CSMD1: variants seen among roughly 807,000 people sequenced by gnomAD.
CSMD1 encodes CUB and Sushi multiple domains 1, also known as CUB and sushi domain-containing protein 1.
CSMD1 carries 213 observed loss-of-function variants against 417.5 expected under a neutral mutation model. The ratio of observed to expected loss-of-function variants is 0.51; its 90% confidence interval spans 0.46 to 0.57. CSMD1 has a LOEUF of 0.57. Ranked by LOEUF, CSMD1 falls within the 20% of genes least tolerant of loss-of-function variation. CSMD1 has a pLI of 0.00. For missense variants in CSMD1, 6,923 were observed against 4,529.7 expected, an observed-to-expected ratio of 1.53 and a Z score of -15.17; for synonymous variants, 2,862 against 1,736.8, an observed-to-expected ratio of 1.65 and a Z score of -16.11.
At chr8:4,597,108 C>G (rs1009637052) in intron 2 of CSMD1, among the ~76,000 whole-genome samples, 1 of 74,146 alleles carries the variant, frequency 1.3e-5, no homozygotes, top group South Asian at 5.5e-4. Context: ...ATACAACACA[C>G]AATTTTTTTT....
rs113141708 is a variant in CSMD1 at position 4,918,294 on chromosome 8, T to A, written c.85+76038A>T. 8.8e-3 allele frequency among the ~76,000 whole-genome samples: 1,347 copies of A among 152,280 alleles called. 21 individuals carry two copies. Among genetic ancestry groups the A allele is most frequent in the African/African-American group, 0.031 (1,296 of 41,554 alleles). ...TTCTGGGACAGACTTATTTTTGTAT[T>A]TATGAGCTTCGAAAATCACAAAGTG... On this transcript the variant is annotated intron_variant, in intron 1 of 69. Coordinates refer to ENST00000635120, the MANE Select transcript of CSMD1 (RefSeq NM_033225.6).
At chr8:3,583,409 G>A (rs563645659) in intron 9 of CSMD1, among the ~76,000 whole-genome samples, 6 of 151,924 alleles carry the variant, frequency 3.9e-5, no homozygotes, top group Non-Finnish European at 8.8e-5. Flanking sequence ...TATCTTGTAA[G>A]GATACTCTTG....
chr8:3,772,187 T>C (rs1271646001), intron 5 of CSMD1, among the ~76,000 whole-genome samples: 4 of 66,400 alleles, frequency 6.0e-5, no homozygotes, highest in African/African-American at 2.0e-4. Context: ...TATATATATA[T>C]ATACACACAC....
intron 8 of CSMD1, among the ~76,000 whole-genome samples, chr8:3,589,516 T>C (rs1367406066): frequency 6.6e-6 from 1 of 151,904 alleles, no homozygotes; most frequent in African/African-American, 2.4e-5. Flanking sequence ...CTAAGTAAAA[T>C]GAACCAGGCA....
chr8:3,966,592 T>C (rs368952236), intron 5 of CSMD1, among the ~76,000 whole-genome samples: 5 of 152,288 alleles, frequency 3.3e-5, no homozygotes, highest in Admixed American at 2.0e-4. Context: ...TTTGCAGTTT[T>C]TGGCATGCAC....
intron 3 of CSMD1, among the ~76,000 whole-genome samples, chr8:4,341,589 G>C (rs1393713413): frequency 1.3e-5 from 2 of 152,114 alleles, no homozygotes; most frequent in African/African-American, 4.8e-5. Context: ...ACGTTCTGTG[G>C]TTCCCTGTTT....
intron 1 of CSMD1, among the ~76,000 whole-genome samples, chr8:4,719,164 T>TA (rs998658397): frequency 6.6e-6 from 1 of 151,914 alleles, no homozygotes; most frequent in African/African-American, 2.4e-5. Context: ...GAAAGGCAGG[T>TA]GAAAAAAAGA....
chr8:4,375,538 A>G (rs1802679017), intron 3 of CSMD1, among the ~76,000 whole-genome samples: 1 of 152,010 alleles, frequency 6.6e-6, no homozygotes, highest in Admixed American at 6.6e-5. Flanking sequence ...CCTCCTTAAC[A>G]TTTTAGCCCA....
intron 3 of CSMD1, among the ~76,000 whole-genome samples, chr8:4,284,214 A>G (rs1177593967): frequency 6.6e-6 from 1 of 151,982 alleles, no homozygotes; most frequent in African/African-American, 2.4e-5. Flanking sequence ...CTAAAAATAC[A>G]AAAATTAGCT....
chr8:4,135,845 C>T (rs1325045145), intron 3 of CSMD1, among the ~76,000 whole-genome samples: 1 of 152,012 alleles, frequency 6.6e-6, no homozygotes, highest in Admixed American at 6.6e-5. Context: ...TACAAATTGG[C>T]ATTTTTTTAA....
chr8:4,591,850 G>C (rs181013316), intron 2 of CSMD1, among the ~76,000 whole-genome samples: 1 of 152,314 alleles, frequency 6.6e-6, no homozygotes, highest in Admixed American at 6.5e-5. Context: ...GAACAAGGCA[G>C]AGGGGAGAAA....
chr8:4,527,522 G>T lies in CSMD1; in HGVS notation c.303-107457C>A, dbSNP rs540943266. 1.3e-4 allele frequency among the ~76,000 whole-genome samples: 20 copies of T among 152,220 alleles called. 1 individual carries two copies. The South Asian group carries it at 4.1e-3, about 32-fold the overall frequency. On this transcript the variant is annotated intron_variant, in intron 2 of 69. Transcript: ENST00000635120. ...AGAATGAGTATCACTTTTCCAAAACGCAGGTTATCCGTACCAGCAGGTGTT... is the reference window on the plus strand; with the variant it reads ...AGAATGAGTATCACTTTTCCAAAACTCAGGTTATCCGTACCAGCAGGTGTT...
chr8:4,045,114 T>C (rs1355403238), intron 3 of CSMD1, among the ~76,000 whole-genome samples: 1 of 152,130 alleles, frequency 6.6e-6, no homozygotes, highest in Non-Finnish European at 1.5e-5. Context: ...ACACTGAACA[T>C]GGCAGTCACC....
chr8:3,869,484 T>C (rs1003776266), intron 5 of CSMD1, among the ~76,000 whole-genome samples: 5 of 152,200 alleles, frequency 3.3e-5, no homozygotes, highest in Admixed American at 3.3e-4. Flanking sequence ...TTCCCCTAAA[T>C]GGCTAGTGAG....
chr8:4,981,422 C>T (rs778386842), intron 1 of CSMD1, among the ~76,000 whole-genome samples: 23 of 152,168 alleles, frequency 1.5e-4, no homozygotes, highest in Non-Finnish European at 3.2e-4. Flanking sequence ...AGATATCCAA[C>T]AAGAGTATAA....
chr8:4,836,291 C>G (rs1234328396), intron 1 of CSMD1, among the ~76,000 whole-genome samples: 1 of 152,150 alleles, frequency 6.6e-6, no homozygotes, highest in African/African-American at 2.4e-5. Flanking sequence ...CTACCTTCTT[C>G]CCCTAAGATG....
At chr8:3,055,174 G>A (rs978988886) in intron 49 of CSMD1, among the ~76,000 whole-genome samples, 1 of 152,272 alleles carries the variant, frequency 6.6e-6, no homozygotes, top group Admixed American at 6.5e-5. Context: ...CACAGATGAA[G>A]CCCCATCACA....
Position 3,927,547 on chromosome 8 carries a change from C to T in CSMD1, c.818+70356G>A, listed in dbSNP as rs550650078. On this transcript the variant is annotated intron_variant, in intron 5 of 69. Coordinates refer to ENST00000635120, the MANE Select transcript of CSMD1 (RefSeq NM_033225.6). ...AGCCGTGGTGGTGCATCACTGTAAT[C>T]CCAGCTACTAGAGAGGCTGAGGCAG... is the stretch of plus-strand genomic sequence containing the variant. 2.0e-5 allele frequency among the ~76,000 whole-genome samples: 3 copies of T among 152,098 alleles called. 1 individual carries two copies. The highest frequency in any genetic ancestry group is 4.2e-4 in the South Asian group (2 of 4,812).
chr8:4,025,228 G>C (rs760043345), intron 4 of CSMD1, among the ~76,000 whole-genome samples: 1 of 152,124 alleles, frequency 6.6e-6, no homozygotes, highest in African/African-American at 2.4e-5. Context: ...TCATGGAGGA[G>C]GATTTTCTAA....
Sources: gnomAD v4.1 joint callset for allele counts (sites outside exome capture counted in the v4.1 genomes callset) on GRCh38, gnomAD v4.1.1 for gene constraint, MANE v1.5 for transcripts, NCBI Gene and HGNC (gene_info 2026-07-23, HGNC 2026-07-21) for gene names.